LRRC58: variants seen among roughly 807,000 people sequenced by gnomAD.
LRRC58 encodes leucine rich repeat containing 58.
A neutral mutation model predicts 30.6 loss-of-function variants in LRRC58; 18 were observed. The observed-to-expected ratio is 0.59, with a 90% CI of 0.41 to 0.87. The LOEUF is 0.87. Ranked by LOEUF, LRRC58 falls within the 40% of genes least tolerant of loss-of-function variation. LRRC58 has a pLI of 0.00. For missense variants in LRRC58, 420 were observed against 468.4 expected (o/e 0.90, Z 0.95); for synonymous variants, 221 against 206.0 (o/e 1.07, Z -0.62).
intron 1 of LRRC58, among the ~76,000 whole-genome samples, chr3:120,346,085 T>G (rs935878380): frequency 6.6e-6 from 1 of 151,992 alleles, no homozygotes; most frequent in African/African-American, 2.4e-5. Flanking sequence ...TGGTGAAACT[T>G]TGTCTCTACT....
At chr3:120,345,147 GAATT>G (rs906987962) in intron 1 of LRRC58, among the ~76,000 whole-genome samples, 2 of 152,060 alleles carry the variant, frequency 1.3e-5, no homozygotes, top group Non-Finnish European at 2.9e-5. Context: ...CTAGGGGAAA[GAATT>G]AATAGGGTAT....
chr3:120,338,469 A>G (rs965319062), intron 1 of LRRC58, among the ~76,000 whole-genome samples: 2 of 152,240 alleles, frequency 1.3e-5, no homozygotes, highest in Non-Finnish European at 2.9e-5. Flanking sequence ...CAGACAATAA[A>G]TCAATAACAT....
chr3:120,347,164 G>A (rs1428228278), intron 1 of LRRC58, among the ~76,000 whole-genome samples: 3 of 151,974 alleles, frequency 2.0e-5, no homozygotes, highest in African/African-American at 7.3e-5. Context: ...CTGTCTCCTG[G>A]ATCATGTTCA....
Position 120,338,885 on chromosome 3 carries a change from G to T in LRRC58, c.501-2932C>A, listed in dbSNP as rs7644499. Among the ~76,000 whole-genome samples the T allele has an allele frequency of 4.0e-3, 616 of 152,328 alleles. 2 individuals are homozygous for T. Among genetic ancestry groups the T allele is most frequent in the African/African-American group, 0.014 (586 of 41,560 alleles). On this transcript the variant is annotated intron_variant, in intron 1 of 3. Coordinates refer to ENST00000295628, the MANE Select transcript of LRRC58 (RefSeq NM_001099678.2). ...GGCTATTGAGTGGCAAACAACTGGAGAAGTGGTTAGGGGAGCACTGTGGGC... is the reference window on the plus strand; with the variant it reads ...GGCTATTGAGTGGCAAACAACTGGATAAGTGGTTAGGGGAGCACTGTGGGC...
Position 120,348,725 on chromosome 3 carries a change from C to T in LRRC58, c.500+19G>A. ...ACACCGCCCGAGGCCTCCCCACCCT[C>T]CGGCACACACCCGCTCACCTCTGCA... On this transcript the variant is annotated intron_variant, in intron 1 of 3. Coordinates refer to ENST00000295628, the MANE Select transcript of LRRC58 (RefSeq NM_001099678.2). The T allele has an allele frequency of 6.5e-7, 1 of 1,537,946 alleles. No individual in the cohort carries two copies.
intron 1 of LRRC58, among the ~76,000 whole-genome samples, chr3:120,343,636 C>G (rs992213186): frequency 3.3e-5 from 5 of 152,310 alleles, no homozygotes; most frequent in Middle Eastern, 6.8e-3. Context: ...TTTCTCTTAT[C>G]AAGTACAAAT....
Position 120,328,925 on chromosome 3 carries a change from TATACATCTATATTCTTATATGCAAAGG to T in LRRC58, c.*2248_*2274del, listed in dbSNP as rs1016251522. 6.6e-6 allele frequency: 1 copy of T among 152,202 alleles called. No homozygotes were observed. The highest frequency in any genetic ancestry group is 2.4e-5 in the African/African-American group (1 of 41,462). The allele number at this position is 152,202 out of a possible 1,614,324, so 9.4% of individuals were successfully genotyped here. On this transcript the variant is annotated 3_prime_UTR_variant, in exon 4 of 4. Transcript: ENST00000295628. ...ACATTTTGTTGAAATAATACTGTGGTATACATCTATATTCTTATATGCAAAGGCCAGAAACTGTCTCTGGTTGGACCT... is the reference window on the plus strand; with the variant it reads ...ACATTTTGTTGAAATAATACTGTGGTCCAGAAACTGTCTCTGGTTGGACCT...
In LRRC58 at chr3:120,324,678, G is replaced by C. The variant is rs1052582782; in HGVS notation, c.*6522C>G. The C allele has an allele frequency of 5.9e-5, 9 of 152,118 alleles. No homozygotes were observed. Among genetic ancestry groups the C allele is most frequent in the Admixed American group, 2.0e-4 (3 of 15,282 alleles). The allele number at this position is 152,118 out of a possible 1,614,324, so 9.4% of individuals were successfully genotyped here. A position where few individuals can be genotyped will look rare whatever the true frequency, so the allele number is the denominator to read the frequency against. ...ATTCACAGAGGATTGGTTAATATAAGATCTTTTGTACGTCCTGGGGGAGGG... is the reference window on the plus strand; with the variant it reads ...ATTCACAGAGGATTGGTTAATATAACATCTTTTGTACGTCCTGGGGGAGGG... On this transcript the variant is annotated 3_prime_UTR_variant, in exon 4 of 4. Coordinates refer to ENST00000295628, the MANE Select transcript of LRRC58 (RefSeq NM_001099678.2).
In LRRC58 at chr3:120,325,274, G is replaced by C. The variant is rs1391918172; in HGVS notation, c.*5926C>G. ...AATTTAGTCATGTTTTTGCAATACT[G>C]CAACAGCAATGTCAATCTTATCCCC... On this transcript the variant is annotated 3_prime_UTR_variant, in exon 4 of 4. Transcript: ENST00000295628. 6.6e-6 allele frequency: 1 copy of C among 151,600 alleles called. No individual in the cohort carries two copies. Among genetic ancestry groups the C allele is most frequent in the Non-Finnish European group, 1.5e-5 (1 of 67,904 alleles). The allele number at this position is 151,600 out of a possible 1,614,324, so 9.4% of individuals were successfully genotyped here. A position where few individuals can be genotyped will look rare whatever the true frequency, so the allele number is the denominator to read the frequency against.
chr3:120,336,057 G>T, intron 1 of LRRC58, 104 bp from the exon 2 acceptor site: 3 of 819,368 alleles, frequency 3.7e-6, no homozygotes, highest in Non-Finnish European at 5.6e-6. Context: ...TTCAGCAAAT[G>T]TTTTACTTAA....
rs991655677 is a variant in LRRC58, at chr3:120,334,365, G to A, written c.907+497C>T. On this transcript the variant is annotated intron_variant, in intron 3 of 3. Transcript: ENST00000295628. Reference sequence around the variant, plus strand: ...TAAAAAAATACAAAAAAAATTAGCCGGGTGTTGTGGTGGGCGCCTGTAGTC... The same window carrying A: ...TAAAAAAATACAAAAAAAATTAGCCAGGTGTTGTGGTGGGCGCCTGTAGTC... 3.9e-5 allele frequency among the ~76,000 whole-genome samples: 6 copies of A among 152,136 alleles called. No homozygotes were observed. The South Asian group carries it at 6.2e-4, about 16-fold the overall frequency.
Position 120,349,180 on chromosome 3 carries a change from T to C in LRRC58, c.64A>G (p.Ser22Gly). The change falls in exon 1 of 4, where the codon AGC becomes GGC. Residue 22 changes from serine (S) to glycine (G), a missense_variant. Physicochemically the swap from Ser to Gly is moderately conservative, Grantham distance 56 (BLOSUM62 0). Around this residue, in one of 2 missense-constraint regions of LRRC58, gnomAD observed 266 missense variants for 251.7 expected, o/e 1.06. Coordinates refer to ENST00000295628, the MANE Select transcript of LRRC58 (RefSeq NM_001099678.2). ...GEAELNWSRLSVSTETLESEL... is the reference protein window; with the variant it reads ...GEAELNWSRLGVSTETLESEL... ...GACTCCAGCGTCTCGGTGGACACGC[T>C]GAGGCGGGACCAGTTCAGTTCGGCC... 6.7e-7 allele frequency: 1 copy of C among 1,493,478 alleles called. No individual in the cohort carries two copies. The highest frequency in any genetic ancestry group is 8.8e-7 in the Non-Finnish European group (1 of 1,130,134). 92.5% of individuals were successfully genotyped at this position (1,493,478 alleles called of 1,614,324 possible). A position where few individuals can be genotyped will look rare whatever the true frequency, so the allele number is the denominator to read the frequency against.
At position 120,329,096 on chromosome 3, in the gene LRRC58, C is replaced by T. The variant is rs1935720119; in HGVS notation, c.*2104G>A. Reference sequence around the variant, plus strand: ...ACGAAGACTAACTCTTAGAAGACTACTCAAGCAGTTACTTAAGTCAAGCTG... The same window carrying T: ...ACGAAGACTAACTCTTAGAAGACTATTCAAGCAGTTACTTAAGTCAAGCTG... On this transcript the variant is annotated 3_prime_UTR_variant, in exon 4 of 4. Transcript: ENST00000295628. The T allele has an allele frequency of 6.6e-6, 1 of 151,984 alleles. No homozygotes were observed. Among genetic ancestry groups the T allele is most frequent in the Non-Finnish European group, 1.5e-5 (1 of 67,970 alleles). 9.4% of individuals were successfully genotyped at this position (151,984 alleles called of 1,614,324 possible).
chr3:120,343,097 T>A (rs764053814), intron 1 of LRRC58, among the ~76,000 whole-genome samples: 10 of 152,220 alleles, frequency 6.6e-5, no homozygotes, highest in African/African-American at 1.2e-4. Flanking sequence ...CATTAGTAGT[T>A]ACCTTGACTG....
rs571468572 is a variant in LRRC58, at chr3:120,335,371, G to C, written c.630-232C>G. On this transcript the variant is annotated intron_variant, in intron 2 of 3. Transcript: ENST00000295628. ...GGCGAATTTAGAATACTTAGAGAATGTTCTGATGTGCTAACTGCTGTAAAA... is the reference window on the plus strand; with the variant it reads ...GGCGAATTTAGAATACTTAGAGAATCTTCTGATGTGCTAACTGCTGTAAAA... 4.6e-5 allele frequency among the ~76,000 whole-genome samples: 7 copies of C among 152,324 alleles called. No homozygotes were observed. In the South Asian group the frequency reaches 1.0e-3, roughly 23 times the overall value.
intron 3 of LRRC58, 59 bp downstream of exon 3, chr3:120,334,803 C>A (rs1054778728): frequency 9.9e-6 from 14 of 1,412,380 alleles, no homozygotes; most frequent in African/African-American, 1.4e-5. Flanking sequence ...TGAAAGAAGA[C>A]TTAATTAATT....
intron 1 of LRRC58, among the ~76,000 whole-genome samples, chr3:120,344,675 A>G (rs1156644842): frequency 3.9e-5 from 6 of 152,234 alleles, no homozygotes; most frequent in Admixed American, 6.5e-5. Context: ...AAGAGTACCA[A>G]TGAAACTCAG....
intron 1 of LRRC58, among the ~76,000 whole-genome samples, chr3:120,339,057 G>A (rs1935871124): frequency 6.6e-6 from 1 of 152,132 alleles, no homozygotes; most frequent in South Asian, 2.1e-4. Context: ...TATAAATGAA[G>A]CATAATTTGA....
At position 120,324,558 on chromosome 3, in the gene LRRC58, T is replaced by C. The variant is rs200918482; in HGVS notation, c.*6642A>G. 3 of 152,160 alleles carry C rather than the reference T, an allele frequency of 2.0e-5. No homozygotes were observed. The highest frequency in any genetic ancestry group is 4.8e-5 in the African/African-American group (2 of 41,456). 9.4% of individuals were successfully genotyped at this position (152,160 alleles called of 1,614,324 possible). ...ATGTATTCAATGATGTAACAAGTAA[T>C]CAGGCAAATATCAACATTATAGAGA... On this transcript the variant is annotated 3_prime_UTR_variant, in exon 4 of 4. Transcript: ENST00000295628.
Sources: gnomAD v4.1 joint callset for allele counts (sites outside exome capture counted in the v4.1 genomes callset) on GRCh38, gnomAD v4.1.1 for gene constraint, gnomAD v4.1.1 regional missense constraint, MANE v1.5 for transcripts, NCBI Gene and HGNC (gene_info 2026-07-23, HGNC 2026-07-21) for gene names.